The following DDX60 variants were observed in gnomAD, a reference collection of about 807,000 sequenced individuals.
DDX60 encodes the protein probable ATP-dependent RNA helicase DDX60.
Under a neutral mutation model 212.8 loss-of-function variants are expected in DDX60, and 165 were observed. The observed-to-expected ratio is 0.78, with a 90% confidence interval of 0.68 to 0.88. The LOEUF (loss-of-function observed/expected upper bound fraction) is 0.88, where lower values mean the gene tolerates loss of function less well. DDX60 is among the 40% of genes least tolerant of loss of function. The pLI is 0.00. For missense variants in DDX60, 1,905 were observed against 2,003.9 expected (o/e 0.95, Z 0.94); for synonymous variants, 703 against 685.3 (o/e 1.03, Z -0.40).
Position 168,257,384 on chromosome 4 carries a change from C to T in DDX60, c.3399-1515G>A, listed in dbSNP as rs185091743. On this transcript the variant is annotated intron_variant, in intron 25 of 37. Transcript: ENST00000393743. ...CTTCAGTATGTTAACTCATTTAGTA[C>T]TCACAACAATCCTATGAAGAAGGCA... Among the ~76,000 whole-genome samples the T allele has an allele frequency of 7.9e-5, 12 of 152,110 alleles. No individual in the cohort carries two copies. In the East Asian group the frequency reaches 2.1e-3, roughly 27 times the overall value.
At chr4:168,250,166 A>G (rs1301475939) in intron 28 of DDX60, among the ~76,000 whole-genome samples, 12 of 152,228 alleles carry the variant, frequency 7.9e-5, no homozygotes, top group Admixed American at 7.9e-4. Context: ...TATCACTGAT[A>G]GGAGAGAGAA....
intron 24 of DDX60, among the ~76,000 whole-genome samples, chr4:168,261,273 G>A (rs1734612922): frequency 6.6e-6 from 1 of 152,064 alleles, no homozygotes; most frequent in African/African-American, 2.4e-5. Flanking sequence ...TTCAGCAAAT[G>A]ATGCTGGTTT....
chr4:168,322,814 G>A (rs747983668), upstream of DDX60, among the ~76,000 whole-genome samples: 10 of 152,176 alleles, frequency 6.6e-5, no homozygotes, highest in African/African-American at 1.7e-4. Flanking sequence ...GGGCCACACC[G>A]GGATGGAACT....
intron 25 of DDX60, among the ~76,000 whole-genome samples, chr4:168,259,508 T>C (rs1734540466): frequency 6.6e-6 from 1 of 152,070 alleles, no homozygotes; most frequent in Non-Finnish European, 1.5e-5. Context: ...TTCAGAAATA[T>C]ATCATCAATG....
chr4:168,262,146 C>T lies in DDX60; in HGVS notation c.3145-18G>A. The stretch of plus-strand genomic sequence containing the variant: ...CACAGTTCCTTGAAAACAAATATTA[C>T]AAAATTAGGCACAATCATGCAAGAA... On this transcript the variant is annotated intron_variant, in intron 23 of 37. Transcript: ENST00000393743. 6.4e-7 allele frequency: 1 copy of T among 1,568,470 alleles called. No homozygotes were observed. The highest frequency in any genetic ancestry group is 8.6e-7 in the Non-Finnish European group (1 of 1,165,856).
chr4:168,305,768 G>A (rs890512597), intron 5 of DDX60, among the ~76,000 whole-genome samples: 4 of 151,562 alleles, frequency 2.6e-5, no homozygotes, highest in Middle Eastern at 3.4e-3. Flanking sequence ...CATGGAATTC[G>A]AACTCTAAGA....
At chr4:168,307,933 T>C (rs987795106) in intron 4 of DDX60, 73 bp downstream of exon 4, 7 of 838,878 alleles carry the variant, frequency 8.3e-6, no homozygotes, top group Admixed American at 3.7e-5. Flanking sequence ...ATAAGAAAAA[T>C]ATATATATAA....
the DDX60 span, among the ~76,000 whole-genome samples, chr4:168,324,037 C>T: frequency 6.2e-4 from 94 of 152,292 alleles, no homozygotes; most frequent in African/African-American, 2.1e-3. Flanking sequence ...AGTGTGGAGG[C>T]CTTCTCCAGC....
At chr4:168,287,949 T>C (rs1043643120) in intron 9 of DDX60, among the ~76,000 whole-genome samples, 6 of 152,160 alleles carry the variant, frequency 3.9e-5, no homozygotes, top group Non-Finnish European at 5.9e-5. Context: ...CGCAAACATA[T>C]ATTTTCTCCT....
At chr4:168,221,002 T>C (rs1225763367) in intron 36 of DDX60, among the ~76,000 whole-genome samples, 2 of 152,080 alleles carry the variant, frequency 1.3e-5, no homozygotes, top group African/African-American at 4.8e-5. Context: ...GAGGGTAAAT[T>C]GGAACTAGAG....
Position 168,255,606 on chromosome 4 carries a change from G to A in DDX60, c.3557+105C>T, listed in dbSNP as rs1020204283. 37 of 981,618 alleles carry A rather than the reference G, an allele frequency of 3.8e-5. No homozygotes were observed. In the East Asian group the frequency reaches 5.4e-4, roughly 14 times the overall value. 60.8% of individuals were successfully genotyped at this position (981,618 alleles called of 1,614,324 possible). A position where few individuals can be genotyped will look rare whatever the true frequency, so the allele number is the denominator to read the frequency against. ...ACTCAATTTAGAAATAAGTCCAAGC[G>A]ACAACTAGAACTTATTTATAGAACA... On this transcript the variant is annotated intron_variant, in intron 26 of 37. Transcript: ENST00000393743.
chr4:168,309,153 C>T (rs1407303785), intron 3 of DDX60, among the ~76,000 whole-genome samples: 1 of 152,108 alleles, frequency 6.6e-6, no homozygotes, highest in African/African-American at 2.4e-5. Flanking sequence ...TTAGCAGTTC[C>T]TCTCCAGTAA....
At chr4:168,317,297 G>T (rs1737437324) in intron 1 of DDX60, among the ~76,000 whole-genome samples, 1 of 151,882 alleles carries the variant, frequency 6.6e-6, no homozygotes, top group Admixed American at 6.6e-5. Context: ...ATTAAAAGGG[G>T]ATGAAAGAAA....
intron 6 of DDX60, among the ~76,000 whole-genome samples, chr4:168,296,150 T>G (rs970374126): frequency 6.6e-6 from 1 of 152,100 alleles, no homozygotes; most frequent in Non-Finnish European, 1.5e-5. Context: ...TTCAAATGTC[T>G]CACAATAAAA....
At chr4:168,308,287 T>C (rs912786598) in intron 3 of DDX60, 92 bp from the exon 4 acceptor site, 15 of 740,088 alleles carry the variant, frequency 2.0e-5, no homozygotes, top group Non-Finnish European at 3.0e-5. Flanking sequence ...ATCATTATCA[T>C]CAATAGCTAA....
At chr4:168,307,712 G>A (rs1405261025) in intron 4 of DDX60, among the ~76,000 whole-genome samples, 1 of 152,132 alleles carries the variant, frequency 6.6e-6, no homozygotes, top group African/African-American at 2.4e-5. Context: ...TCTCAGAGCA[G>A]GAGAACTGGA....
chr4:168,224,179 C>T (rs1206117431), intron 35 of DDX60, 64 bp downstream of exon 35: 4 of 1,573,760 alleles, frequency 2.5e-6, no homozygotes, highest in South Asian at 2.3e-5. Context: ...TTCTAAGCTG[C>T]CTAGCAATAT....
intron 37 of DDX60, among the ~76,000 whole-genome samples, chr4:168,219,209 T>G (rs1214964026): frequency 6.6e-6 from 1 of 151,892 alleles, no homozygotes; most frequent in East Asian, 1.9e-4. Flanking sequence ...GGAGAATTGC[T>G]TGAACCTGGG....
chr4:168,296,498 C>T lies in DDX60; in HGVS notation c.724-2553G>A, dbSNP rs1470355272. ...AGAAGAAAAGCAGGTAATTTGAAGACCCAAAACCACTCACCCACTACCAAA... is the reference window on the plus strand; with the variant it reads ...AGAAGAAAAGCAGGTAATTTGAAGATCCAAAACCACTCACCCACTACCAAA... On this transcript the variant is annotated intron_variant, in intron 6 of 37. Coordinates refer to ENST00000393743, the MANE Select transcript of DDX60 (RefSeq NM_017631.6). Among the ~76,000 whole-genome samples, 3 of 151,978 alleles carry T rather than the reference C, an allele frequency of 2.0e-5. No individual in the cohort carries two copies. The South Asian group carries it at 6.2e-4, about 31-fold the overall frequency.
Sources: allele counts gnomAD v4.1 joint callset (sites outside exome capture counted in the v4.1 genomes callset), GRCh38; gene constraint gnomAD v4.1.1; transcripts MANE v1.5; gene names NCBI Gene and HGNC (gene_info 2026-07-23, HGNC 2026-07-21).